Variants in SLC35F1 observed in about 807,000 individuals in gnomAD.
SLC35F1 encodes chromosome 6 open reading frame 169.
In SLC35F1, 14 loss-of-function variants were observed where a neutral mutation model predicts 48.7. The observed-to-expected ratio is 0.29, with a 90% CI of 0.19 to 0.45. The LOEUF is 0.45. Ranked by LOEUF, SLC35F1 falls within the 20% of genes least tolerant of loss-of-function variation. SLC35F1 has a pLI of 1.00. For missense variants in SLC35F1, 404 were observed against 500.0 expected (o/e 0.81, Z 1.83); for synonymous variants, 190 against 202.2 (o/e 0.94, Z 0.51).
chr6:118,301,771 T>A (rs921924199), intron 7 of SLC35F1, among the ~76,000 whole-genome samples: 2 of 152,142 alleles, frequency 1.3e-5, no homozygotes, highest in African/African-American at 4.8e-5. Flanking sequence ...CCATCACAAC[T>A]ACACAACTGC....
chr6:118,076,860 T>C (rs1772829558), intron 1 of SLC35F1, among the ~76,000 whole-genome samples: 1 of 152,220 alleles, frequency 6.6e-6, no homozygotes, highest in Admixed American at 6.5e-5. Flanking sequence ...ACTGTAATTA[T>C]TGTAGGCTTA....
At chr6:118,012,269 T>A (rs540587343) in intron 1 of SLC35F1, among the ~76,000 whole-genome samples, 1 of 151,594 alleles carries the variant, frequency 6.6e-6, no homozygotes, top group East Asian at 1.9e-4. Context: ...ATTTTATTCA[T>A]CTTTTTCTTG....
At chr6:118,083,171 T>A (rs1273605749) in intron 1 of SLC35F1, among the ~76,000 whole-genome samples, 2 of 152,216 alleles carry the variant, frequency 1.3e-5, no homozygotes, top group East Asian at 3.9e-4. Context: ...GTTTCTTATC[T>A]GGCTGTGTGT....
intron 1 of SLC35F1, among the ~76,000 whole-genome samples, chr6:118,026,740 G>A (rs998116568): frequency 4.3e-4 from 66 of 152,254 alleles, no homozygotes; most frequent in African/African-American, 1.5e-3. Context: ...ATGAGTTTGG[G>A]ATGAAAAAAC....
Position 118,081,298 on chromosome 6 carries a change from C to A in SLC35F1, c.174-73147C>A, listed in dbSNP as rs75896351. Among the ~76,000 whole-genome samples, 1,333 of 152,136 alleles carry A rather than the reference C, an allele frequency of 8.8e-3. 22 individuals are homozygous for A. The highest frequency in any genetic ancestry group is 0.03 in the African/African-American group (1,262 of 41,520). On this transcript the variant is annotated intron_variant, in intron 1 of 7. Transcript: ENST00000360388. ...AGACCAGAATGATGAAATTAAATAG[C>A]TGTGAATCCTTACACCTTTTCACTC...
intron 2 of SLC35F1, among the ~76,000 whole-genome samples, chr6:118,193,726 G>C (rs1774763619): frequency 6.6e-6 from 1 of 152,156 alleles, no homozygotes; most frequent in Non-Finnish European, 1.5e-5. Context: ...TAGGAAATCA[G>C]ACAGAAGTGC....
chr6:118,275,629 A>C lies in SLC35F1; in HGVS notation c.794+14A>C, dbSNP rs747672494. On this transcript the variant is annotated intron_variant, in intron 5 of 7. Coordinates refer to ENST00000360388, the MANE Select transcript of SLC35F1 (RefSeq NM_001029858.4). The stretch of plus-strand genomic sequence containing the variant: ...TGGAATTCAATTGTGAGTAAAAATA[A>C]CAAGAAATATAGATAGTAGAGGGAC... 2 of 1,612,620 alleles carry C rather than the reference A, an allele frequency of 1.2e-6. No individual in the cohort carries two copies. Among genetic ancestry groups the C allele is most frequent in the African/African-American group, 2.7e-5 (2 of 74,880 alleles).
intron 1 of SLC35F1, among the ~76,000 whole-genome samples, chr6:117,924,691 C>G (rs1415414760): frequency 1.3e-5 from 2 of 151,950 alleles, no homozygotes; most frequent in Non-Finnish European, 2.9e-5. Flanking sequence ...TTTCCTCTCT[C>G]GAGTATATGT....
At chr6:118,140,107 C>T (rs1773860934) in intron 1 of SLC35F1, among the ~76,000 whole-genome samples, 1 of 151,996 alleles carries the variant, frequency 6.6e-6, no homozygotes, top group South Asian at 2.1e-4. Flanking sequence ...TCCTGTGTGC[C>T]CGTGAAGAGT....
chr6:118,001,556 T>C (rs1777094969), intron 1 of SLC35F1, among the ~76,000 whole-genome samples: 1 of 152,098 alleles, frequency 6.6e-6, no homozygotes, highest in Non-Finnish European at 1.5e-5. Flanking sequence ...ACTTCATGTC[T>C]AAAACACCAA....
At chr6:118,257,707 A>G (rs1416793403) in intron 3 of SLC35F1, among the ~76,000 whole-genome samples, 1 of 152,228 alleles carries the variant, frequency 6.6e-6, no homozygotes, top group East Asian at 1.9e-4. Context: ...TTTTAGACAC[A>G]AAAGACAGCC....
intron 1 of SLC35F1, among the ~76,000 whole-genome samples, chr6:117,913,240 A>G (rs977210231): frequency 6.6e-6 from 1 of 152,202 alleles, no homozygotes; most frequent in African/African-American, 2.4e-5. Context: ...ACTTCAGTAG[A>G]TGTATGGAAA....
At chr6:117,995,690 T>G (rs1305251001) in intron 1 of SLC35F1, among the ~76,000 whole-genome samples, 1 of 151,816 alleles carries the variant, frequency 6.6e-6, no homozygotes, top group Non-Finnish European at 1.5e-5. Flanking sequence ...GCAGTGAGCC[T>G]AGATTGCACC....
intron 1 of SLC35F1, among the ~76,000 whole-genome samples, chr6:118,020,446 G>T (rs1011972012): frequency 1.3e-5 from 2 of 152,188 alleles, no homozygotes; most frequent in Admixed American, 1.3e-4. Context: ...ACTGATAATT[G>T]TATGCAAAGT....
chr6:118,257,827 G>A (rs904363588), intron 3 of SLC35F1, among the ~76,000 whole-genome samples: 2 of 152,114 alleles, frequency 1.3e-5, no homozygotes, highest in Non-Finnish European at 2.9e-5. Flanking sequence ...CGAGTTGTTA[G>A]GTTTGTAAGT....
At chr6:117,935,396 T>C (rs1057430009) in intron 1 of SLC35F1, among the ~76,000 whole-genome samples, 6 of 152,216 alleles carry the variant, frequency 3.9e-5, no homozygotes, top group African/African-American at 1.4e-4. Context: ...AGGGTTAGGC[T>C]CTTGTGAGCT....
At chr6:118,143,946 C>G (rs534413524) in intron 1 of SLC35F1, among the ~76,000 whole-genome samples, 81 of 152,188 alleles carry the variant, frequency 5.3e-4, no homozygotes, top group African/African-American at 1.9e-3. Context: ...TGATGGTTTT[C>G]TGATGGAAGA....
chr6:117,961,141 TC>T (rs1459980050), intron 1 of SLC35F1, among the ~76,000 whole-genome samples: 4 of 152,182 alleles, frequency 2.6e-5, no homozygotes, highest in South Asian at 4.1e-4. Flanking sequence ...TTTTTTTCTA[TC>T]CTCAGTACTT....
In SLC35F1 at chr6:118,197,312, C is replaced by T. The variant is rs1359135177; in HGVS notation, c.350-38197C>T. Among the ~76,000 whole-genome samples the T allele has an allele frequency of 1.2e-4, 18 of 151,696 alleles. No individual in the cohort carries two copies. The East Asian group carries it at 3.3e-3, about 28-fold the overall frequency. On this transcript the variant is annotated intron_variant, in intron 2 of 7. Transcript: ENST00000360388. ...GATAACCTAAGAGATATCTTTGACT[C>T]TCCAAATATCTGGAAACTAGATGAT...
Sources: allele counts gnomAD v4.1 joint callset (sites outside exome capture counted in the v4.1 genomes callset), GRCh38; gene constraint gnomAD v4.1.1; transcripts MANE v1.5; gene names NCBI Gene and HGNC (gene_info 2026-07-23, HGNC 2026-07-21).